The following PTPRM variants were observed in gnomAD, a reference collection of about 807,000 sequenced individuals.
The protein encoded by PTPRM is protein tyrosine phosphatase receptor type M.
Under a neutral mutation model 186.7 loss-of-function variants are expected in PTPRM, and 47 were observed. The observed-to-expected ratio is 0.25, with a 90% CI of 0.20 to 0.32. PTPRM has a LOEUF of 0.32. Ranked by LOEUF, PTPRM falls within the 10% of genes least tolerant of loss-of-function variation. PTPRM has a pLI of 1.00. For synonymous variants in PTPRM, 668 were observed against 674.9 expected, an observed-to-expected ratio of 0.99 and a Z score of 0.16; for missense variants, 1,494 against 1,865.0, an observed-to-expected ratio of 0.80 and a Z score of 3.66.
At chr18:8,344,500 G>GA (rs2095494941) in intron 23 of PTPRM, among the ~76,000 whole-genome samples, 1 of 143,670 alleles carries the variant, frequency 7.0e-6, no homozygotes, top group Non-Finnish European at 1.5e-5. Flanking sequence ...ACATTAACCT[G>GA]AAAATCCCCC....
At chr18:8,326,822 G>T (rs551369897) in intron 22 of PTPRM, among the ~76,000 whole-genome samples, 3 of 152,264 alleles carry the variant, frequency 2.0e-5, no homozygotes, top group African/African-American at 7.2e-5. Context: ...AGAATTAAAT[G>T]TGAAACCTCA....
intron 7 of PTPRM, among the ~76,000 whole-genome samples, chr18:8,023,747 G>C (rs1161285063): frequency 6.6e-6 from 1 of 150,996 alleles, no homozygotes; most frequent in Non-Finnish European, 1.5e-5. Flanking sequence ...AAGCCAACTG[G>C]AATTGAACAT....
intron 7 of PTPRM, among the ~76,000 whole-genome samples, chr18:8,000,689 A>G (rs1424318388): frequency 1.3e-5 from 2 of 152,224 alleles, no homozygotes; most frequent in African/African-American, 4.8e-5. Context: ...TGTGTGTGAT[A>G]GAAACATAGA....
At chr18:8,280,136 G>C (rs1215075609) in intron 19 of PTPRM, among the ~76,000 whole-genome samples, 1 of 152,160 alleles carries the variant, frequency 6.6e-6, no homozygotes, top group Non-Finnish European at 1.5e-5. Flanking sequence ...CAGTCTGGAG[G>C]CTGGAAATGC....
intron 7 of PTPRM, among the ~76,000 whole-genome samples, chr18:8,002,643 C>T (rs1049670934): frequency 1.1e-4 from 17 of 152,322 alleles, no homozygotes; most frequent in African/African-American, 2.6e-4. Context: ...AGAATGCAGA[C>T]GCCCAGGCTC....
intron 14 of PTPRM, among the ~76,000 whole-genome samples, chr18:8,152,113 A>G (rs536220887): frequency 6.6e-6 from 1 of 152,256 alleles, no homozygotes; most frequent in South Asian, 2.1e-4. Flanking sequence ...CCATCTTGCC[A>G]GCAATCCCAG....
chr18:8,050,641 C>T (rs960748963), intron 7 of PTPRM, among the ~76,000 whole-genome samples: 1 of 152,148 alleles, frequency 6.6e-6, no homozygotes, highest in Non-Finnish European at 1.5e-5. Context: ...ACAGCATATA[C>T]GTATATCAAG....
intron 1 of PTPRM, among the ~76,000 whole-genome samples, chr18:7,666,619 A>G (rs1216765883): frequency 6.6e-6 from 1 of 152,116 alleles, no homozygotes. Flanking sequence ...AACCCAACAC[A>G]TTGTCCTCTC....
intron 19 of PTPRM, among the ~76,000 whole-genome samples, chr18:8,264,829 G>A (rs1470398921): frequency 1.3e-5 from 2 of 150,442 alleles, no homozygotes; most frequent in Non-Finnish European, 3.0e-5. Flanking sequence ...ACACAGAGAT[G>A]TTTATTTCTA....
At chr18:7,756,588 C>T (rs957960061) in intron 1 of PTPRM, among the ~76,000 whole-genome samples, 2 of 152,064 alleles carry the variant, frequency 1.3e-5, no homozygotes, top group African/African-American at 4.8e-5. Flanking sequence ...TAATGTGTGC[C>T]TTTTAGTAGA....
At chr18:8,308,884 T>G (rs1408825254) in intron 20 of PTPRM, among the ~76,000 whole-genome samples, 2 of 152,262 alleles carry the variant, frequency 1.3e-5, no homozygotes, top group African/African-American at 4.8e-5. Context: ...GTGTGGCCTT[T>G]GTACTGGTGA....
At chr18:7,648,800 T>G (rs2038626742) in intron 1 of PTPRM, among the ~76,000 whole-genome samples, 2 of 152,186 alleles carry the variant, frequency 1.3e-5, no homozygotes, top group African/African-American at 4.8e-5. Flanking sequence ...AAGCAGCAAG[T>G]GCAGATGCAG....
chr18:7,686,967 T>C (rs2039617008), intron 1 of PTPRM, among the ~76,000 whole-genome samples: 1 of 152,210 alleles, frequency 6.6e-6, no homozygotes, highest in Non-Finnish European at 1.5e-5. Flanking sequence ...AAAAAGATTT[T>C]GACTGTTTTA....
intron 19 of PTPRM, among the ~76,000 whole-genome samples, chr18:8,267,989 G>C (rs569917799): frequency 1.3e-5 from 2 of 152,060 alleles, no homozygotes; most frequent in East Asian, 3.9e-4. Context: ...ATGTGTCTAA[G>C]CTCTTTTATT....
intron 14 of PTPRM, among the ~76,000 whole-genome samples, chr18:8,216,698 TGGTAACA>T (rs2094090893): frequency 6.6e-6 from 1 of 152,258 alleles, no homozygotes; most frequent in South Asian, 2.1e-4. Flanking sequence ...CTGAGACATA[TGGTAACA>T]TATTATTTCC....
intron 1 of PTPRM, among the ~76,000 whole-genome samples, chr18:7,691,300 T>C (rs1243571323): frequency 6.6e-6 from 1 of 152,186 alleles, no homozygotes; most frequent in Non-Finnish European, 1.5e-5. Flanking sequence ...CTGAATCATA[T>C]TATATGTCTA....
chr18:8,310,690 T>A (rs186249552), intron 20 of PTPRM, among the ~76,000 whole-genome samples: 1 of 152,082 alleles, frequency 6.6e-6, no homozygotes, highest in South Asian at 2.1e-4. Context: ...TTAGCACTTA[T>A]CAAAATTGTA....
chr18:8,266,592 G>C (rs1343552061), intron 19 of PTPRM, among the ~76,000 whole-genome samples: 1 of 152,150 alleles, frequency 6.6e-6, no homozygotes, highest in South Asian at 2.1e-4. Flanking sequence ...CTGAAATAAA[G>C]TACTTTTATG....
intron 7 of PTPRM, among the ~76,000 whole-genome samples, chr18:7,974,797 T>C (rs774914096): frequency 7.9e-5 from 12 of 152,346 alleles, no homozygotes; most frequent in Non-Finnish European, 1.3e-4. Context: ...TCTTTCAATC[T>C]TTTACGTCAA....
Sources: allele counts gnomAD v4.1 joint callset (sites outside exome capture counted in the v4.1 genomes callset), GRCh38; gene constraint gnomAD v4.1.1; transcripts MANE v1.5; gene names NCBI Gene and HGNC (gene_info 2026-07-23, HGNC 2026-07-21).